VAX2: variants seen among roughly 807,000 people sequenced by gnomAD.
VAX2 encodes the protein ventral anterior homeobox 2.
In VAX2, 8 loss-of-function variants were observed where a neutral mutation model predicts 12.5. The observed-to-expected ratio is 0.64, with a 90% confidence interval of 0.37 to 1.15. VAX2 has a LOEUF of 1.15. Among genes scored for constraint, VAX2 ranks in the 50% most tolerant of loss-of-function variants. The pLI is 0.01. For missense variants in VAX2, 476 were observed against 412.9 expected, an observed-to-expected ratio of 1.15 and a Z score of -1.32; for synonymous variants, 183 against 187.6, an observed-to-expected ratio of 0.98 and a Z score of 0.20.
chr2:70,906,591 C>T (rs1679067442), intron 1 of VAX2, among the ~76,000 whole-genome samples: 2 of 119,286 alleles, frequency 1.7e-5, no homozygotes, highest in Non-Finnish European at 3.2e-5. Flanking sequence ...TGCAAGGGTG[C>T]AATCATAGTT....
intron 1 of VAX2, among the ~76,000 whole-genome samples, chr2:70,912,850 G>T (rs1263977734): frequency 6.6e-6 from 1 of 152,026 alleles, no homozygotes; most frequent in Non-Finnish European, 1.5e-5. Context: ...CCCAAGCAAA[G>T]GCTCTTGGGC....
At chr2:70,910,813 C>T (rs1326035902) in intron 1 of VAX2, among the ~76,000 whole-genome samples, 1 of 148,984 alleles carries the variant, frequency 6.7e-6, no homozygotes, top group Non-Finnish European at 1.5e-5. Flanking sequence ...AACAAAAAAC[C>T]CACAAAAAAA....
intron 2 of VAX2, among the ~76,000 whole-genome samples, chr2:70,925,234 T>A (rs1343977625): frequency 6.6e-6 from 1 of 152,144 alleles, no homozygotes; most frequent in African/African-American, 2.4e-5. Flanking sequence ...TGGCTGCCAC[T>A]TGGGGAAGGG....
chr2:70,911,143 G>C (rs569617979), intron 1 of VAX2, among the ~76,000 whole-genome samples: 2 of 152,112 alleles, frequency 1.3e-5, no homozygotes, highest in Admixed American at 1.3e-4. Flanking sequence ...TGCCAGACTT[G>C]TTCCTATGTG....
At chr2:70,915,734 A>G (rs953226380) in intron 1 of VAX2, among the ~76,000 whole-genome samples, 10 of 152,104 alleles carry the variant, frequency 6.6e-5, no homozygotes, top group African/African-American at 2.4e-4. Flanking sequence ...ATGGTCACCA[A>G]TCTGCTTAAC....
At chr2:70,926,401 T>G (rs1171712470) in intron 2 of VAX2, among the ~76,000 whole-genome samples, 1 of 152,238 alleles carries the variant, frequency 6.6e-6, no homozygotes, top group African/African-American at 2.4e-5. Flanking sequence ...TAGCATACAC[T>G]GAAAGTTCTT....
At chr2:70,927,117 A>G (rs543602732) in intron 2 of VAX2, among the ~76,000 whole-genome samples, 2 of 152,170 alleles carry the variant, frequency 1.3e-5, no homozygotes, top group East Asian at 3.9e-4. Flanking sequence ...ATGGAGTTTT[A>G]TTTATTTTTG....
chr2:70,932,740 CCTT>C (rs1679723254), intron 2 of VAX2, 24 bp from the exon 3 acceptor site: 1 of 1,496,574 alleles, frequency 6.7e-7, no homozygotes, highest in African/African-American at 1.4e-5. Flanking sequence ...CCATCTCCCT[CCTT>C]GACACCCCCT....
intron 1 of VAX2, among the ~76,000 whole-genome samples, chr2:70,914,225 A>G (rs1175987354): frequency 6.6e-6 from 1 of 152,204 alleles, no homozygotes; most frequent in Non-Finnish European, 1.5e-5. Context: ...AGGTGGGTGG[A>G]TCACTTGAGG....
rs908133745 is a variant in VAX2 at position 70,932,889 on chromosome 2, G to A, written c.558G>A (p.Leu186=). The A allele has an allele frequency of 2.5e-6, 4 of 1,613,470 alleles. No individual in the cohort carries two copies. The South Asian group carries it at 4.4e-5, about 18-fold the overall frequency. ...CCACCTCCAACATTCTGCGGCTGCT[G>A]GAGCAGGGCCGGCTGCTCTCTGTGC... ...AFATSNILRL[L]EQGRLLSVPR... Residue 186 remains leucine, a synonymous_variant, in exon 3 of 3, where the codon CTG becomes CTA. Coordinates refer to ENST00000234392, the MANE Select transcript of VAX2 (RefSeq NM_012476.3).
chr2:70,930,230 A>C (rs563977410), intron 2 of VAX2, among the ~76,000 whole-genome samples: 1 of 77,278 alleles, frequency 1.3e-5, no homozygotes, highest in East Asian at 5.4e-4. Context: ...AACTCAATCC[A>C]ATGTCCTTCA....
chr2:70,901,263 G>A (rs994048320), intron 1 of VAX2, among the ~76,000 whole-genome samples: 1 of 152,248 alleles, frequency 6.6e-6, no homozygotes, highest in African/African-American at 2.4e-5. Context: ...AGGGAGCAGC[G>A]TCGGCAACCG....
intron 2 of VAX2, among the ~76,000 whole-genome samples, chr2:70,921,913 G>A (rs184326213): frequency 2.3e-3 from 355 of 152,250 alleles, no homozygotes; most frequent in Non-Finnish European, 2.9e-3. Flanking sequence ...GCTGGTACTA[G>A]AGCTATAAAA....
At chr2:70,930,921 G>A (rs975707213) in intron 2 of VAX2, among the ~76,000 whole-genome samples, 3 of 152,188 alleles carry the variant, frequency 2.0e-5, no homozygotes, top group African/African-American at 7.2e-5. Context: ...AGCAGGGTTG[G>A]CCTCTATGTT....
At position 70,932,924 on chromosome 2, in the gene VAX2, C is replaced by A. The variant is rs1679729924; in HGVS notation, c.593C>A (p.Pro198His). The A allele has an allele frequency of 6.2e-7, 1 of 1,613,212 alleles. No homozygotes were observed. Among genetic ancestry groups the A allele is most frequent in the East Asian group, 2.2e-5 (1 of 44,840 alleles). Residue 198 changes from proline (P) to histidine (H), a missense_variant, in exon 3 of 3, where the codon CCT becomes CAT. Physicochemically the swap from Pro to His is moderately conservative, Grantham distance 77. Transcript: ENST00000234392. ...CGGCTGCTCTCTGTGCCCAGGGCCC[C>A]TAGCCTCCTGGCGCTGACCCCTAGC... ...QGRLLSVPRA[P>H]SLLALTPSLP...
In VAX2 at chr2:70,932,637, A is replaced by AGCCCCCCCCCCCCC; in HGVS notation, c.436-130_436-129insGCCCCCCCCCCCCC. 2.8e-5 allele frequency: 4 copies of AGCCCCCCCCCCCCC among 144,554 alleles called. 1 individual carries two copies. Among genetic ancestry groups the AGCCCCCCCCCCCCC allele is most frequent in the Non-Finnish European group, 5.8e-5 (4 of 68,564 alleles). The allele number at this position is 144,554 out of a possible 1,614,324, so 9.0% of individuals were successfully genotyped here. A position where few individuals can be genotyped will look rare whatever the true frequency, so the allele number is the denominator to read the frequency against. On this transcript the variant is annotated intron_variant, in intron 2 of 2. Transcript: ENST00000234392. ...TCTTTCCCTCTTGCTCCACCCTCACACCCCACCCCCACCCCCATCCACCAC... is the reference window on the plus strand; with the variant it reads ...TCTTTCCCTCTTGCTCCACCCTCACAGCCCCCCCCCCCCCCCCCACCCCCACCCCCATCCACCAC...
Position 70,904,927 on chromosome 2 carries a change from C to T in VAX2, c.247+4059C>T, listed in dbSNP as rs541206477. Among the ~76,000 whole-genome samples the T allele has an allele frequency of 1.2e-4, 18 of 152,324 alleles. No individual in the cohort carries two copies. Among genetic ancestry groups the T allele is most frequent in the African/African-American group, 4.1e-4 (17 of 41,570 alleles). On this transcript the variant is annotated intron_variant, in intron 1 of 2. Coordinates refer to ENST00000234392, the MANE Select transcript of VAX2 (RefSeq NM_012476.3). The surrounding 1 kb of genome is among the most constrained non-coding windows in gnomAD (Gnocchi z 4.2). ...TACACACAGCACAATGGCGTGCAGC[C>T]GCCGGGGCCCTAACTCCCAGAGACG...
intron 1 of VAX2, among the ~76,000 whole-genome samples, chr2:70,912,054 G>T (rs909248066): frequency 6.6e-6 from 1 of 152,086 alleles, no homozygotes; most frequent in African/African-American, 2.4e-5. Context: ...CAAAAGCTAT[G>T]TCTCTAATAA....
chr2:70,925,170 T>C (rs1386155562), intron 2 of VAX2, among the ~76,000 whole-genome samples: 5 of 152,108 alleles, frequency 3.3e-5, no homozygotes, highest in African/African-American at 9.7e-5. Flanking sequence ...GAGACTATGG[T>C]AATACATTGA....
Sources: gnomAD v4.1 joint callset for allele counts (sites outside exome capture counted in the v4.1 genomes callset) on GRCh38, gnomAD v4.1.1 for gene constraint, Gnocchi (gnomAD v3.1) non-coding constraint, MANE v1.5 for transcripts, NCBI Gene and HGNC (gene_info 2026-07-23, HGNC 2026-07-21) for gene names.